Variants in PSTPIP1 observed in about 807,000 individuals in gnomAD.
The protein encoded by PSTPIP1 is proline-serine-threonine phosphatase-interacting protein 1.
PSTPIP1 carries 66 observed loss-of-function variants against 69.6 expected under a neutral mutation model. That is an observed-to-expected ratio of 0.95 (90% CI 0.78 to 1.16). The LOEUF is 1.16. Among genes scored for constraint, PSTPIP1 ranks in the 50% most tolerant of loss-of-function variants. The pLI is 0.00. For synonymous variants in PSTPIP1, 266 were observed against 222.7 expected (o/e 1.19, Z -1.73); for missense variants, 603 against 557.4 (o/e 1.08, Z -0.82).
At chr15:77,025,249 C>T (rs2076252170) in intron 3 of PSTPIP1, 35 bp from the exon 4 acceptor site, 7 of 1,590,364 alleles carry the variant, frequency 4.4e-6, no homozygotes, top group Non-Finnish European at 4.3e-6. Context: ...CCGCTGTGCT[C>T]TCCTCCTCCT....
At chr15:76,994,716 A>T, upstream of PSTPIP1, 1 of 1,278,676 alleles carries the variant, frequency 7.8e-7, no homozygotes. Flanking sequence ...CCCAGAGCAC[A>T]GCTGTGTCTG....
At chr15:77,036,402 CTG>C (rs1227123773) in intron 14 of PSTPIP1, among the ~76,000 whole-genome samples, 6 of 152,184 alleles carry the variant, frequency 3.9e-5, no homozygotes, top group African/African-American at 9.7e-5. Context: ...GTGTGGAAAA[CTG>C]TGGCCAGAAT....
chr15:77,013,838 T>C (rs1433986211), intron 1 of PSTPIP1, among the ~76,000 whole-genome samples: 3 of 152,202 alleles, frequency 2.0e-5, no homozygotes, highest in Non-Finnish European at 4.4e-5. Flanking sequence ...CTCTGATAGA[T>C]GCTGTATTCT....
chr15:77,025,309 T>C lies in PSTPIP1; in HGVS notation c.238T>C (p.Leu80=). ...INSLRASFDS[L]KQQMENVGSS... is the part of the protein sequence containing the mutation. ...CTCCCTGAGGGCCTCCTTTGACTCC[T>C]TGAAGCAGCGTAAGTCCCCTACCCT... is the stretch of plus-strand genomic sequence containing the variant. The change falls in exon 4 of 15, where the codon TTG becomes CTG. Residue 80 remains leucine, a synonymous_variant. Transcript: ENST00000558012. 1 of 1,611,034 alleles carries C rather than the reference T, an allele frequency of 6.2e-7. No homozygotes were observed. The highest frequency in any genetic ancestry group is 8.5e-7 in the Non-Finnish European group (1 of 1,177,316).
At chr15:77,020,119 A>G (rs1255448518) in intron 3 of PSTPIP1, among the ~76,000 whole-genome samples, 1 of 152,046 alleles carries the variant, frequency 6.6e-6, no homozygotes, top group Non-Finnish European at 1.5e-5. Flanking sequence ...AAGAGAAGCT[A>G]CCCACAGAAA....
chr15:77,020,244 C>A (rs1198993627), intron 3 of PSTPIP1, among the ~76,000 whole-genome samples: 1 of 152,154 alleles, frequency 6.6e-6, no homozygotes, highest in East Asian at 1.9e-4. Context: ...GCCCTGATTG[C>A]GCCATGGTTA....
chr15:77,000,898 C>T (rs1486820997), intron 1 of PSTPIP1, among the ~76,000 whole-genome samples: 2 of 152,070 alleles, frequency 1.3e-5, no homozygotes, highest in African/African-American at 4.8e-5. Flanking sequence ...GCGAAATACA[C>T]ATAAAATGTA....
chr15:77,036,342 G>A (rs775494272), intron 14 of PSTPIP1, among the ~76,000 whole-genome samples: 9 of 152,220 alleles, frequency 5.9e-5, no homozygotes, highest in Non-Finnish European at 1.2e-4. Context: ...CATAGCTTGA[G>A]GGCCAGGCTC....
intron 5 of PSTPIP1, among the ~76,000 whole-genome samples, chr15:77,026,386 A>T (rs567837783): frequency 6.6e-6 from 1 of 152,286 alleles, no homozygotes; most frequent in South Asian, 2.1e-4. Context: ...TTGCCTGGGG[A>T]GGAAGGATCG....
rs114434525 is a variant in PSTPIP1, at chr15:77,018,980, A to C, written c.212+449A>C. On this transcript the variant is annotated intron_variant, in intron 3 of 14. Transcript: ENST00000558012. ...CAGCTCCTCACCCCCCAGCTGTCTG[A>C]CCATGGGCTGGCTGCTGACACACTC... Among the ~76,000 whole-genome samples the C allele has an allele frequency of 5.7e-3, 875 of 152,244 alleles. 10 individuals are homozygous for C. The highest frequency in any genetic ancestry group is 0.02 in the African/African-American group (844 of 41,540).
At chr15:77,003,094 G>A (rs568616238) in intron 1 of PSTPIP1, among the ~76,000 whole-genome samples, 1 of 152,220 alleles carries the variant, frequency 6.6e-6, no homozygotes, top group Non-Finnish European at 1.5e-5. Flanking sequence ...CTAAGTGGTG[G>A]CAGAGATACT....
intron 1 of PSTPIP1, among the ~76,000 whole-genome samples, chr15:76,996,089 G>A (rs975603218): frequency 6.6e-6 from 1 of 152,182 alleles, no homozygotes; most frequent in Admixed American, 6.5e-5. Flanking sequence ...GGATCAGCAA[G>A]GGGATCCAAG....
At chr15:77,026,146 A>G (rs986522162) in intron 5 of PSTPIP1, 6 of 455,960 alleles carry the variant, frequency 1.3e-5, no homozygotes, top group Admixed American at 7.1e-5. Flanking sequence ...GAGTGACTGC[A>G]TGGAAGTGAA....
chr15:77,015,788 G>A (rs1396409422), intron 1 of PSTPIP1: 2 of 388,214 alleles, frequency 5.2e-6, no homozygotes, highest in Admixed American at 2.8e-5. Context: ...GAGGCATCGT[G>A]AGCAGCCCCT....
chr15:77,018,079 G>A, intron 1 of PSTPIP1, 69 bp from the exon 2 acceptor site: 2 of 1,457,608 alleles, frequency 1.4e-6, no homozygotes, highest in East Asian at 2.5e-5. Context: ...TGGTGGGAGG[G>A]TCCCCACAGG....
chr15:77,010,568 G>A (rs2075914046), intron 1 of PSTPIP1, among the ~76,000 whole-genome samples: 1 of 152,202 alleles, frequency 6.6e-6, no homozygotes, highest in African/African-American at 2.4e-5. Flanking sequence ...CCAGGCAGCT[G>A]AGTCTGAGGG....
intron 3 of PSTPIP1, among the ~76,000 whole-genome samples, chr15:77,020,722 A>G (rs1191624772): frequency 6.6e-6 from 1 of 152,142 alleles, no homozygotes; most frequent in Non-Finnish European, 1.5e-5. Flanking sequence ...CACCTCCTCC[A>G]GGAAGCCCTC....
chr15:76,997,395 T>C (rs2075604565), intron 1 of PSTPIP1, among the ~76,000 whole-genome samples: 1 of 151,668 alleles, frequency 6.6e-6, no homozygotes, highest in South Asian at 2.1e-4. Flanking sequence ...CCCAGGGCTC[T>C]GGATTCTAAT....
chr15:77,034,203 G>GCA (rs1303329248), intron 12 of PSTPIP1, among the ~76,000 whole-genome samples: 1 of 14,934 alleles, frequency 6.7e-5, no homozygotes. Flanking sequence ...AAGAGGTGTG[G>GCA]GGGCACGCAG....
Sources: gnomAD v4.1 joint callset for allele counts (sites outside exome capture counted in the v4.1 genomes callset) on GRCh38, gnomAD v4.1.1 for gene constraint, MANE v1.5 for transcripts, NCBI Gene and HGNC (gene_info 2026-07-23, HGNC 2026-07-21) for gene names.